Variants in PIERCE1 observed in about 807,000 individuals in gnomAD.
PIERCE1 encodes piercer of microtubule wall 1 protein.
the PIERCE1 span, among the ~76,000 whole-genome samples, chr9:135,497,464 G>T: frequency 1.3e-5 from 2 of 151,764 alleles, no homozygotes; most frequent in Non-Finnish European, 2.9e-5. Flanking sequence ...CTCTCACCCA[G>T]GGTGGAATGC....
the PIERCE1 span, among the ~76,000 whole-genome samples, chr9:135,495,773 G>A: frequency 1.3e-5 from 2 of 150,880 alleles, no homozygotes; most frequent in Admixed American, 6.6e-5. Flanking sequence ...ATCCATGCCC[G>A]ATGCCTGGCA....
At chr9:135,498,584 C>T in the PIERCE1 span, 20 of 1,613,538 alleles carry the variant, frequency 1.2e-5, no homozygotes, top group Non-Finnish European at 1.7e-5. The surrounding 1 kb of genome is among the most constrained non-coding windows in gnomAD (Gnocchi z 4.1). Flanking sequence ...ATCCCACTTA[C>T]AGGCATCTCG....
At chr9:135,495,877 T>C in the PIERCE1 span, among the ~76,000 whole-genome samples, 1 of 152,208 alleles carries the variant, frequency 6.6e-6, no homozygotes, top group Admixed American at 6.5e-5. Flanking sequence ...GATGTGGCTG[T>C]GAGCATCGCC....
At chr9:135,495,508 G>GAGAAAA in the PIERCE1 span, 1 of 1,614,098 alleles carries the variant, frequency 6.2e-7, no homozygotes, top group Non-Finnish European at 8.5e-7. Flanking sequence ...AGTTATCGGG[G>GAGAAAA]CCAGTCACGA....
chr9:135,497,282 C>T, the PIERCE1 span, among the ~76,000 whole-genome samples: 1 of 152,222 alleles, frequency 6.6e-6, no homozygotes, highest in Non-Finnish European at 1.5e-5. Flanking sequence ...ACCCCACTGC[C>T]TGCTCCCATC....
At chr9:135,496,794 ATTTTTTTTT>A in the PIERCE1 span, among the ~76,000 whole-genome samples, 1 of 122,728 alleles carries the variant, frequency 8.1e-6, no homozygotes, top group East Asian at 2.4e-4. Flanking sequence ...CCTTCAGTGC[ATTTTTTTTT>A]TTTTTTTTTT....
At chr9:135,499,692 G>A in the PIERCE1 span, 1 of 1,607,038 alleles carries the variant, frequency 6.2e-7, no homozygotes, top group Non-Finnish European at 8.5e-7. Flanking sequence ...GGACCAGGCG[G>A]GCCCCAGCTT....
chr9:135,496,693 T>G, the PIERCE1 span, among the ~76,000 whole-genome samples: 1 of 152,292 alleles, frequency 6.6e-6, no homozygotes, highest in Non-Finnish European at 1.5e-5. Flanking sequence ...CCAGTGTTGA[T>G]ACTTTATTAG....
the PIERCE1 span, chr9:135,495,530 A>G: frequency 6.2e-7 from 1 of 1,614,198 alleles, no homozygotes; most frequent in African/African-American, 1.3e-5. Flanking sequence ...GCTTTTCTCC[A>G]GGTAAACATT....
the PIERCE1 span, chr9:135,499,829 G>C: frequency 6.3e-7 from 1 of 1,594,814 alleles, no homozygotes. Context: ...CTCCGCGCAC[G>C]CTCTGGGGCA....
At chr9:135,498,604 G>T in the PIERCE1 span, 2 of 1,613,898 alleles carry the variant, frequency 1.2e-6, no homozygotes, top group Non-Finnish European at 1.7e-6. The surrounding 1 kb of genome is among the most constrained non-coding windows in gnomAD (Gnocchi z 4.1). Context: ...GTGCACGGTG[G>T]GGGCTCTGCT....
chr9:135,498,314 T>C, the PIERCE1 span, among the ~76,000 whole-genome samples: 2,621 of 152,154 alleles, frequency 0.017, 36 homozygotes, highest in Non-Finnish European at 0.029. The surrounding 1 kb of genome is among the most constrained non-coding windows in gnomAD (Gnocchi z 4.1). Flanking sequence ...GTTGGGTGTA[T>C]GGGGGCAGGG....
At chr9:135,495,885 G>A in the PIERCE1 span, among the ~76,000 whole-genome samples, 6 of 152,144 alleles carry the variant, frequency 3.9e-5, no homozygotes, top group Admixed American at 1.3e-4. Context: ...TGTGAGCATC[G>A]CCTTGGGGGT....
At chr9:135,498,849 C>T in the PIERCE1 span, 51 of 604,344 alleles carry the variant, frequency 8.4e-5, no homozygotes, top group South Asian at 6.1e-4. This position sits in a 1 kb window ranked among gnomAD's most constrained non-coding sequence, Gnocchi z 4.1. Context: ...CTGAATGGCC[C>T]GGCCTCCCCG....
the PIERCE1 span, among the ~76,000 whole-genome samples, chr9:135,497,504 C>T: frequency 6.6e-6 from 1 of 152,196 alleles, no homozygotes; most frequent in East Asian, 1.9e-4. Flanking sequence ...ACTGCAGCCT[C>T]AACCTCCTGG....
At chr9:135,497,369 C>T in the PIERCE1 span, among the ~76,000 whole-genome samples, 1 of 151,910 alleles carries the variant, frequency 6.6e-6, no homozygotes, top group African/African-American at 2.4e-5. Context: ...ACATCTGGAC[C>T]CATGTTAGTG....
chr9:135,495,553 C>G, the PIERCE1 span: 3 of 1,614,062 alleles, frequency 1.9e-6, no homozygotes, highest in Non-Finnish European at 2.5e-6. Flanking sequence ...GAGTATTGTT[C>G]CGGAACATTC....
chr9:135,495,484 A>G, the PIERCE1 span: 1 of 1,614,178 alleles, frequency 6.2e-7, no homozygotes, highest in South Asian at 1.1e-5. Flanking sequence ...TGAGCCGGTC[A>G]CAGGAGGTGA....
the PIERCE1 span, chr9:135,499,333 A>G: frequency 4.3e-6 from 2 of 469,958 alleles, no homozygotes; most frequent in Non-Finnish European, 8.3e-6. Context: ...CTTAGCCTGC[A>G]ATGCCCTGTG....
Sources: allele counts gnomAD v4.1 joint callset (sites outside exome capture counted in the v4.1 genomes callset), GRCh38; gene constraint gnomAD v4.1.1; non-coding constraint Gnocchi (gnomAD v3.1); transcripts MANE v1.5; gene names NCBI Gene and HGNC (gene_info 2026-07-23, HGNC 2026-07-21).